MAP4K3: variants seen among roughly 807,000 people sequenced by gnomAD.
MAP4K3 encodes the protein MAPK/ERK kinase kinase kinase 3.
Under a neutral mutation model 143.5 loss-of-function variants are expected in MAP4K3, and 94 were observed. That is an observed-to-expected ratio of 0.65 (90% CI 0.55 to 0.78). The LOEUF (loss-of-function observed/expected upper bound fraction) is 0.78. MAP4K3 is among the 30% of genes least tolerant of loss of function. The probability of loss-of-function intolerance (pLI) is 0.00; values close to 1 mark genes in which losing one functional copy is unlikely to be tolerated. For synonymous variants in MAP4K3, 416 were observed against 347.2 expected (o/e 1.20, Z -2.20); for missense variants, 1,077 against 1,068.1 (o/e 1.01, Z -0.12).
At chr2:39,374,425 T>C (rs1335750372) in intron 2 of MAP4K3, among the ~76,000 whole-genome samples, 1 of 152,048 alleles carries the variant, frequency 6.6e-6, no homozygotes, top group African/African-American at 2.4e-5. Context: ...TTCACGCTTG[T>C]TAACCCAGCA....
chr2:39,350,422 G>C (rs1339149070), intron 3 of MAP4K3, among the ~76,000 whole-genome samples: 1 of 152,154 alleles, frequency 6.6e-6, no homozygotes, highest in African/African-American at 2.4e-5. Context: ...TGTACTATTT[G>C]CAACTTTTCG....
At chr2:39,391,247 T>C (rs1459630783) in intron 1 of MAP4K3, among the ~76,000 whole-genome samples, 1 of 148,830 alleles carries the variant, frequency 6.7e-6, no homozygotes, top group Non-Finnish European at 1.5e-5. Flanking sequence ...TAGTCTCAGC[T>C]ACTCGGGAGG....
chr2:39,423,967 G>T (rs372028230), intron 1 of MAP4K3, among the ~76,000 whole-genome samples: 1 of 150,890 alleles, frequency 6.6e-6, no homozygotes, highest in Non-Finnish European at 1.5e-5. Context: ...TTTTTGAGAC[G>T]GAGTCTCGCT....
In MAP4K3 at chr2:39,304,030, CTT is replaced by C. The variant is rs554907829; in HGVS notation, c.1119+3911_1119+3912del. Among the ~76,000 whole-genome samples, 16 of 152,204 alleles carry C rather than the reference CTT, an allele frequency of 1.1e-4. No individual in the cohort carries two copies. The South Asian group carries it at 3.1e-3, about 30-fold the overall frequency. On this transcript the variant is annotated intron_variant, in intron 15 of 33. Transcript: ENST00000263881. Reference sequence around the variant, plus strand: ...GATTTTTATGGTTATGGGCAAAACTCTTTTAATTAACTTACAGTGAGTTTTTG... The same window carrying C: ...GATTTTTATGGTTATGGGCAAAACTCTTAATTAACTTACAGTGAGTTTTTG...
intron 2 of MAP4K3, among the ~76,000 whole-genome samples, chr2:39,376,165 C>T (rs556821564): frequency 6.6e-6 from 1 of 152,240 alleles, no homozygotes; most frequent in East Asian, 1.9e-4. Context: ...TTTACATTTC[C>T]ACCAGCTGTG....
At chr2:39,382,328 A>G (rs1169702160) in intron 1 of MAP4K3, among the ~76,000 whole-genome samples, 1 of 152,212 alleles carries the variant, frequency 6.6e-6, no homozygotes, top group Non-Finnish European at 1.5e-5. Flanking sequence ...ATCATCTACT[A>G]TGTATTGAGC....
At chr2:39,350,617 A>T (rs898546985) in intron 3 of MAP4K3, among the ~76,000 whole-genome samples, 33 of 151,942 alleles carry the variant, frequency 2.2e-4, no homozygotes, top group South Asian at 2.1e-4. Flanking sequence ...TCTAGAAAAA[A>T]TTTTTTCCCA....
chr2:39,258,630 T>A, intron 29 of MAP4K3, 43 bp from the exon 30 acceptor site: 1 of 1,288,136 alleles, frequency 7.8e-7, no homozygotes, highest in Non-Finnish European at 1.1e-6. Context: ...GAAACTGTGA[T>A]ACTTAAAGCA....
At chr2:39,419,941 A>C (rs1667499924) in intron 1 of MAP4K3, among the ~76,000 whole-genome samples, 1 of 152,212 alleles carries the variant, frequency 6.6e-6, no homozygotes, top group African/African-American at 2.4e-5. Flanking sequence ...AAGGTATGGA[A>C]ACGGAAAGAT....
At chr2:39,279,276 G>A (rs1281552648) in intron 23 of MAP4K3, among the ~76,000 whole-genome samples, 1 of 152,164 alleles carries the variant, frequency 6.6e-6, no homozygotes, top group African/African-American at 2.4e-5. Flanking sequence ...CAGAATTTAA[G>A]ATTAGTACTG....
At chr2:39,401,629 T>A (rs1304832843) in intron 1 of MAP4K3, among the ~76,000 whole-genome samples, 1 of 151,570 alleles carries the variant, frequency 6.6e-6, no homozygotes, top group African/African-American at 2.4e-5. Context: ...GCGAAACCCA[T>A]CTCTACAAGA....
chr2:39,259,193 A>G (rs1210052703), intron 29 of MAP4K3, among the ~76,000 whole-genome samples: 2 of 152,060 alleles, frequency 1.3e-5, no homozygotes, highest in Non-Finnish European at 2.9e-5. Context: ...GGGTCCTGCT[A>G]TATCGCCTAG....
intron 1 of MAP4K3, among the ~76,000 whole-genome samples, chr2:39,385,164 G>A (rs1313418071): frequency 6.6e-6 from 1 of 152,122 alleles, no homozygotes; most frequent in African/African-American, 2.4e-5. Flanking sequence ...GGAAAGAGCT[G>A]CTATAAACAT....
chr2:39,272,666 C>T, intron 24 of MAP4K3, 124 bp from the exon 25 acceptor site: 1 of 677,116 alleles, frequency 1.5e-6, no homozygotes, highest in Non-Finnish European at 2.5e-6. Context: ...TTATTTTTAA[C>T]ATAAATTAAC....
At chr2:39,254,662 T>C (rs1680279553) in intron 31 of MAP4K3, 142 bp from the exon 32 acceptor site, 4 of 585,670 alleles carry the variant, frequency 6.8e-6, no homozygotes, top group Non-Finnish European at 6.0e-6. Flanking sequence ...CATCTTTACA[T>C]TTGAAAAGTT....
At position 39,394,488 on chromosome 2, in the gene MAP4K3, A is replaced by G. The variant is rs188478556; in HGVS notation, c.97-16365T>C. ...GAGCCACATTATTTTTTGCTTAGGT[A>G]ATTATTTCCAAGAATAAATAGCTAT... On this transcript the variant is annotated intron_variant, in intron 1 of 33. Coordinates refer to ENST00000263881, the MANE Select transcript of MAP4K3 (RefSeq NM_003618.4). 1.4e-3 allele frequency among the ~76,000 whole-genome samples: 210 copies of G among 152,314 alleles called. 1 individual carries two copies. The highest frequency in any genetic ancestry group is 2.4e-3 in the Non-Finnish European group (162 of 68,020).
chr2:39,402,490 G>C (rs1047807099), intron 1 of MAP4K3, among the ~76,000 whole-genome samples: 6 of 152,042 alleles, frequency 3.9e-5, no homozygotes, highest in Non-Finnish European at 8.8e-5. Flanking sequence ...ATCAAAATTT[G>C]TGATACACAG....
chr2:39,303,990 C>T (rs1682603468), intron 15 of MAP4K3, among the ~76,000 whole-genome samples: 1 of 152,142 alleles, frequency 6.6e-6, no homozygotes, highest in East Asian at 1.9e-4. Flanking sequence ...TAGCATTTTG[C>T]AGATCAGACA....
Position 39,428,026 on chromosome 2 carries a change from G to A in MAP4K3, c.96+8866C>T, listed in dbSNP as rs368550360. ...AATACAATTTTTCTTCAAGTCCCAG[G>A]TCAAGATTCACTCTTTCAGGAAGTC... On this transcript the variant is annotated intron_variant, in intron 1 of 33. Coordinates refer to ENST00000263881, the MANE Select transcript of MAP4K3 (RefSeq NM_003618.4). 5.3e-5 allele frequency among the ~76,000 whole-genome samples: 8 copies of A among 152,112 alleles called. No homozygotes were observed. The East Asian group carries it at 9.6e-4, about 18-fold the overall frequency.
Sources: allele counts gnomAD v4.1 joint callset (sites outside exome capture counted in the v4.1 genomes callset), GRCh38; gene constraint gnomAD v4.1.1; transcripts MANE v1.5; gene names NCBI Gene and HGNC (gene_info 2026-07-23, HGNC 2026-07-21).